Variants in CYP2B6 observed in about 807,000 individuals in gnomAD.
CYP2B6 encodes the protein cytochrome P450 family 2 subfamily B member 6.
CYP2B6 carries 35 observed loss-of-function variants against 43.4 expected under a neutral mutation model. That is an observed-to-expected ratio of 0.81 (90% confidence interval 0.62 to 1.07). The LOEUF (loss-of-function observed/expected upper bound fraction) is 1.07, where lower values mean the gene tolerates loss of function less well. Ranked by LOEUF, CYP2B6 falls within the 50% of genes least tolerant of loss-of-function variation. The pLI, the probability that CYP2B6 is intolerant of heterozygous loss-of-function variation, is 0.00. For synonymous variants in CYP2B6, 239 were observed against 239.2 expected (o/e 1.00, Z 0.01); for missense variants, 624 against 632.8 (o/e 0.99, Z 0.15).
intron 4 of CYP2B6, among the ~76,000 whole-genome samples, chr19:41,008,048 C>T (rs1162162735): frequency 1.3e-5 from 2 of 151,660 alleles, no homozygotes; most frequent in Non-Finnish European, 2.9e-5. Context: ...TCTCCTTCTC[C>T]CTCTGTGTTT....
chr19:40,993,584 C>T (rs1968955584), intron 1 of CYP2B6, among the ~76,000 whole-genome samples: 1 of 152,128 alleles, frequency 6.6e-6, no homozygotes, highest in Non-Finnish European at 1.5e-5. Context: ...TTACCTCCTA[C>T]TAGGTCCTTC....
rs143688463 is a variant in CYP2B6, at chr19:40,996,175, G to A, written c.171+4699G>A. 2.8e-4 allele frequency among the ~76,000 whole-genome samples: 42 copies of A among 152,132 alleles called. No homozygotes were observed. In the East Asian group the frequency reaches 8.1e-3, roughly 29 times the overall value. ...TCCACTGTCCACAGAGAGAAGACAGGCTGTTAATATTCTCTTTTAACTTGA... is the reference window on the plus strand; with the variant it reads ...TCCACTGTCCACAGAGAGAAGACAGACTGTTAATATTCTCTTTTAACTTGA... On this transcript the variant is annotated intron_variant, in intron 1 of 8. Transcript: ENST00000324071.
Position 41,004,407 on chromosome 19 carries a change from G to A in CYP2B6, c.445G>A (p.Glu149Lys), listed in dbSNP as rs770483455. The change falls in exon 3 of 9, where the codon GAG becomes AAG. Residue 149 changes from glutamate (E) to lysine (K), a missense_variant. Physicochemically the swap from Glu to Lys is moderately conservative, Grantham distance 56 (BLOSUM62 1). Transcript: ENST00000324071. ...GAGTGTGGAGGAGCGGATTCAGGAG[G>A]AGGCTCAGTGTCTGATAGAGGAGCT... is the stretch of plus-strand genomic sequence containing the variant. Reference protein sequence around the residue: ...KRSVEERIQEEAQCLIEELRK... With the variant: ...KRSVEERIQEKAQCLIEELRK... The A allele has an allele frequency of 4.9e-5, 79 of 1,613,890 alleles. No individual in the cohort carries two copies. The highest frequency in any genetic ancestry group is 6.3e-5 in the Non-Finnish European group (74 of 1,180,014).
chr19:41,006,796 T>C, intron 3 of CYP2B6, 109 bp from the exon 4 acceptor site: 1 of 1,027,204 alleles, frequency 9.7e-7, no homozygotes, highest in Admixed American at 2.0e-5. Flanking sequence ...ACGGTTATTC[T>C]CATGTTTACC....
At chr19:41,003,118 G>A (rs1599845474) in intron 1 of CYP2B6, among the ~76,000 whole-genome samples, 1 of 152,000 alleles carries the variant, frequency 6.6e-6, no homozygotes, top group South Asian at 2.1e-4. Context: ...CATGTACCTG[G>A]GAGTGAAGTG....
At position 40,991,382 on chromosome 19, in the gene CYP2B6, CCCA is replaced by C. The variant is rs757051573; in HGVS notation, c.78_80del (p.His27del). 1 of 1,614,094 alleles carries C rather than the reference CCCA, an allele frequency of 6.2e-7. No individual in the cohort carries two copies. Among genetic ancestry groups the C allele is most frequent in the East Asian group, 2.2e-5 (1 of 44,884 alleles). ...CTCCTGGTTCAGCGCCACCCTAACA[CCCA>C]TGACCGCCTCCCACCAGGGCCCCGC... On this transcript the variant is annotated inframe_deletion, in exon 1 of 9. Transcript: ENST00000324071.
rs778023673 is a variant in CYP2B6 at position 41,004,164 on chromosome 19, G to C, written c.334+1G>C. 7.9e-6 allele frequency: 11 copies of C among 1,398,080 alleles called. No homozygotes were observed. The highest frequency in any genetic ancestry group is 9.9e-6 in the Non-Finnish European group (10 of 1,012,190). 86.6% of individuals were successfully genotyped at this position (1,398,080 alleles called of 1,614,324 possible). On this transcript the variant is annotated splice_donor_variant, in intron 2 of 8. Coordinates refer to ENST00000324071, the MANE Select transcript of CYP2B6 (RefSeq NM_000767.5). LOFTEE classifies it high-confidence loss of function. The stretch of plus-strand genomic sequence containing the variant: ...GTCGACCCATTCTTCCGGGGATATG[G>C]TGAGAGCCTCAGAGGCACTGGGAGG...
chr19:41,000,988 GA>G lies in CYP2B6; in HGVS notation c.172-3012del, dbSNP rs1360864345. 3.9e-5 allele frequency among the ~76,000 whole-genome samples: 6 copies of G among 152,032 alleles called. 1 individual carries two copies. The highest frequency in any genetic ancestry group is 1.5e-4 in the African/African-American group (6 of 41,358). On this transcript the variant is annotated intron_variant, in intron 1 of 8. Transcript: ENST00000324071. ...CAGGAGGCGGAGTTTGCCCTGAGCT[GA>G]GATTGCATCATTGCACTCCATCATG...
At chr19:40,991,587 C>G (rs2144654128) in intron 1 of CYP2B6, 111 bp downstream of exon 1, 12 of 1,174,796 alleles carry the variant, frequency 1.0e-5, no homozygotes, top group Non-Finnish European at 1.3e-5. Flanking sequence ...GTGGCACGGG[C>G]ATGGTTGGTG....
intron 1 of CYP2B6, among the ~76,000 whole-genome samples, chr19:40,998,141 T>A (rs1401268745): frequency 6.6e-6 from 1 of 152,068 alleles, no homozygotes; most frequent in Non-Finnish European, 1.5e-5. Context: ...TGATAACATT[T>A]AGGAACGTGT....
rs142806708 is a variant in CYP2B6, at chr19:41,012,350, G to C, written c.1017G>C (p.Glu339Asp). The stretch of plus-strand genomic sequence containing the variant: ...TGATTGGCCCACATCGCCCTCCAGA[G>C]CTTCATGACCGAGCCAAAATGCCAT... ...EQVIGPHRPP[E>D]LHDRAKMPYT... Residue 339 changes from glutamate to aspartate, a missense_variant, in exon 7 of 9, where the codon GAG becomes GAC. Transcript: ENST00000324071. The C allele has an allele frequency of 1.1e-4, 179 of 1,613,998 alleles. No homozygotes were observed. Among genetic ancestry groups the C allele is most frequent in the East Asian group, 9.1e-4 (41 of 44,876 alleles).
intron 1 of CYP2B6, among the ~76,000 whole-genome samples, chr19:40,997,182 G>C (rs1445505192): frequency 6.6e-6 from 1 of 152,030 alleles, no homozygotes; most frequent in African/African-American, 2.4e-5. Flanking sequence ...AGGAGAGAGG[G>C]AGAGCAGGAG....
At chr19:40,991,609 T>C (rs1968921624) in intron 1 of CYP2B6, 133 bp downstream of exon 1, 3 of 896,730 alleles carry the variant, frequency 3.3e-6, no homozygotes, top group Non-Finnish European at 5.5e-6. Context: ...GTACGGAGCA[T>C]GGTGAAGCAT....
chr19:40,991,407 C>A lies in CYP2B6; in HGVS notation c.102C>A (p.Pro34=). Residue 34 remains proline, a synonymous_variant, in exon 1 of 9, where the codon CCC becomes CCA. Coordinates refer to ENST00000324071, the MANE Select transcript of CYP2B6 (RefSeq NM_000767.5). ...CCCATGACCGCCTCCCACCAGGGCC[C>A]CGCCCTCTGCCCCTTTTGGGAAACC... ...PNTHDRLPPG[P]RPLPLLGNLL... is the part of the protein sequence containing the mutation. The A allele has an allele frequency of 6.2e-7, 1 of 1,614,036 alleles. No homozygotes were observed. The highest frequency in any genetic ancestry group is 1.1e-5 in the South Asian group (1 of 91,066).
At chr19:41,006,856 G>A (rs1186708203) in intron 3 of CYP2B6, 49 bp from the exon 4 acceptor site, 4 of 1,580,344 alleles carry the variant, frequency 2.5e-6, no homozygotes, top group Middle Eastern at 2.2e-4. Flanking sequence ...ACAGCCTGAT[G>A]TTCCCCAGGC....
At chr19:41,004,225 T>G (rs1488316951) in intron 2 of CYP2B6, 62 bp downstream of exon 2, 4 of 1,611,980 alleles carry the variant, frequency 2.5e-6, no homozygotes, top group Non-Finnish European at 3.4e-6. Flanking sequence ...AGGGAGTATA[T>G]GGGAGGAAGA....
chr19:41,010,174 T>G (rs748862371), intron 6 of CYP2B6, 39 bp downstream of exon 6: 1 of 1,609,170 alleles, frequency 6.2e-7, no homozygotes, highest in South Asian at 1.1e-5. Context: ...TCTTCTGACC[T>G]CCTTCTGAGC....
At chr19:41,006,323 A>C (rs1969184491) in intron 3 of CYP2B6, among the ~76,000 whole-genome samples, 1 of 105,246 alleles carries the variant, frequency 9.5e-6, no homozygotes, top group Admixed American at 1.3e-4. Flanking sequence ...ATGTCTAGCT[A>C]CATTTTTTTT....
intron 1 of CYP2B6, among the ~76,000 whole-genome samples, chr19:40,998,816 G>T (rs1969036838): frequency 1.1e-5 from 1 of 87,842 alleles, no homozygotes; most frequent in Non-Finnish European, 2.2e-5. Flanking sequence ...TCTTAATCCA[G>T]TCTATCATTG....
Sources: allele counts gnomAD v4.1 joint callset (sites outside exome capture counted in the v4.1 genomes callset), GRCh38; gene constraint gnomAD v4.1.1; transcripts MANE v1.5; gene names NCBI Gene and HGNC (gene_info 2026-07-23, HGNC 2026-07-21).